Variants in MYO5A observed in about 807,000 individuals in gnomAD.
MYO5A encodes myosin VA, also known as unconventional myosin-Va.
In MYO5A, 98 loss-of-function variants were observed where a neutral mutation model predicts 249.7. That is an observed-to-expected ratio of 0.39 (90% confidence interval 0.33 to 0.46). The LOEUF (loss-of-function observed/expected upper bound fraction) is 0.46. Among genes scored for constraint, MYO5A ranks in the 20% least tolerant of loss-of-function variants. MYO5A has a pLI of 0.98. For synonymous variants in MYO5A, 778 were observed against 810.6 expected, an observed-to-expected ratio of 0.96 and a Z score of 0.68; for missense variants, 1,696 against 2,308.8, an observed-to-expected ratio of 0.73 and a Z score of 5.44.
intron 29 of MYO5A, 54 bp from the exon 30 acceptor site, chr15:52,346,515 C>T: frequency 9.0e-7 from 1 of 1,117,164 alleles, no homozygotes; most frequent in Non-Finnish European, 1.3e-6. Context: ...AAGCTTTGGA[C>T]ATAAAACACA....
intron 1 of MYO5A, among the ~76,000 whole-genome samples, chr15:52,472,774 T>A (rs144181404): frequency 9.3e-4 from 142 of 152,362 alleles, no homozygotes; most frequent in Admixed American, 1.6e-3. Flanking sequence ...TGCCACATTT[T>A]CTTAATCCAG....
At chr15:52,393,394 T>C (rs1567083382) in intron 11 of MYO5A, among the ~76,000 whole-genome samples, 2 of 151,672 alleles carry the variant, frequency 1.3e-5, no homozygotes, top group African/African-American at 4.9e-5. Flanking sequence ...GTTTTTTTTT[T>C]CTTTTCTTTT....
intron 2 of MYO5A, among the ~76,000 whole-genome samples, chr15:52,429,185 C>T (rs2075463723): frequency 1.3e-5 from 2 of 152,080 alleles, no homozygotes; most frequent in Non-Finnish European, 2.9e-5. Flanking sequence ...TTTTTTGAGG[C>T]AAGACAATTC....
chr15:52,356,142 A>T (rs188929917), intron 25 of MYO5A, among the ~76,000 whole-genome samples: 35 of 152,314 alleles, frequency 2.3e-4, no homozygotes, highest in South Asian at 8.3e-4. Context: ...CCTTTGTTAG[A>T]GAGAGACAAG....
rs763709035 is a variant in MYO5A at position 52,375,408 on chromosome 15, A to G, written c.2473T>C (p.Trp825Arg). Residue 825 changes from tryptophan (W) to arginine (R), a missense_variant, in exon 20 of 42, where the codon TGG becomes CGG. Physicochemically the swap from Trp to Arg is moderately radical, Grantham distance 101. Around this residue, in one of 5 missense-constraint regions of MYO5A, gnomAD observed 412 missense variants for 453.3 expected, o/e 0.91. Coordinates refer to ENST00000399233, the MANE Select transcript of MYO5A (RefSeq NM_001382347.1). ...TKAATIIQKY[W>R]RMYVVRRRYK... is the part of the protein sequence containing the mutation. ...CTCCTGCGGACCACATACATGCGCC[A>G]GTACTTTTGAATGATGGTTGCTGCC... is the stretch of plus-strand genomic sequence containing the variant. The G allele has an allele frequency of 6.2e-7, 1 of 1,614,206 alleles. No homozygotes were observed. The highest frequency in any genetic ancestry group is 1.1e-5 in the South Asian group (1 of 91,084).
At chr15:52,506,152 C>T (rs925792595) in intron 1 of MYO5A, among the ~76,000 whole-genome samples, 3 of 152,060 alleles carry the variant, frequency 2.0e-5, no homozygotes, top group African/African-American at 7.2e-5. Flanking sequence ...GAGATCGAGA[C>T]CATCTTGGCT....
intron 1 of MYO5A, among the ~76,000 whole-genome samples, chr15:52,504,220 C>T (rs1187356987): frequency 6.6e-6 from 1 of 152,096 alleles, no homozygotes; most frequent in Admixed American, 6.6e-5. Flanking sequence ...GTCCTCCACC[C>T]ACTCACTCTT....
At chr15:52,346,575 T>C (rs1386557251) in intron 29 of MYO5A, 114 bp from the exon 30 acceptor site, 1 of 737,122 alleles carries the variant, frequency 1.4e-6, no homozygotes, top group Admixed American at 2.0e-5. Flanking sequence ...ACCATACCTG[T>C]GACCCACCAA....
At chr15:52,401,743 T>C (rs536760731) in intron 9 of MYO5A, among the ~76,000 whole-genome samples, 1 of 152,246 alleles carries the variant, frequency 6.6e-6, no homozygotes, top group Non-Finnish European at 1.5e-5. Flanking sequence ...ATATTATGTC[T>C]GCTTCATTCT....
intron 21 of MYO5A, among the ~76,000 whole-genome samples, chr15:52,370,739 T>C (rs2041061423): frequency 6.6e-6 from 1 of 152,230 alleles, no homozygotes; most frequent in South Asian, 2.1e-4. Flanking sequence ...GATCTATACT[T>C]GTTTTTGAAA....
At chr15:52,393,968 T>C (rs2042375052) in intron 11 of MYO5A, among the ~76,000 whole-genome samples, 1 of 152,232 alleles carries the variant, frequency 6.6e-6, no homozygotes, top group African/African-American at 2.4e-5. Context: ...AAATAGAGCA[T>C]ATTACTCACA....
intron 35 of MYO5A, among the ~76,000 whole-genome samples, chr15:52,329,905 A>ATTTTTTT (rs58058940): frequency 2.5e-5 from 3 of 119,726 alleles, no homozygotes; most frequent in African/African-American, 4.0e-5. Flanking sequence ...CGCCTGGGTA[A>ATTTTTTT]TTTTTTTTTT....
chr15:52,498,102 T>A (rs1030242505), intron 1 of MYO5A, among the ~76,000 whole-genome samples: 5 of 152,016 alleles, frequency 3.3e-5, no homozygotes, highest in South Asian at 2.1e-4. Flanking sequence ...CAAAAACTCA[T>A]AATCAGCAAA....
intron 5 of MYO5A, among the ~76,000 whole-genome samples, chr15:52,414,067 G>A (rs1365744570): frequency 2.0e-5 from 3 of 152,170 alleles, no homozygotes; most frequent in African/African-American, 7.2e-5. Context: ...CAAATCTATA[G>A]TGAAAGCCTT....
At chr15:52,426,463 T>C (rs1004892129) in intron 3 of MYO5A, among the ~76,000 whole-genome samples, 1 of 152,142 alleles carries the variant, frequency 6.6e-6, no homozygotes, top group East Asian at 1.9e-4. Context: ...CCACCAATCA[T>C]GTTTGTTTGT....
chr15:52,444,920 T>C (rs186847875), intron 1 of MYO5A, among the ~76,000 whole-genome samples: 34 of 152,300 alleles, frequency 2.2e-4, no homozygotes, highest in South Asian at 8.3e-4. Context: ...ACATACATTA[T>C]ATGAGACAAT....
At chr15:52,348,918 A>G in intron 28 of MYO5A, 92 bp from the exon 29 acceptor site, 1 of 1,367,416 alleles carries the variant, frequency 7.3e-7, no homozygotes, top group Non-Finnish European at 1.0e-6. Context: ...TCCTATTATA[A>G]CAGATAAAAG....
At chr15:52,502,837 A>T (rs2077186176) in intron 1 of MYO5A, among the ~76,000 whole-genome samples, 1 of 152,274 alleles carries the variant, frequency 6.6e-6, no homozygotes, top group African/African-American at 2.4e-5. Context: ...AGCAAACGAT[A>T]CAAATTTAAG....
At chr15:52,325,241 C>T (rs1474634309) in intron 36 of MYO5A, among the ~76,000 whole-genome samples, 2 of 152,136 alleles carry the variant, frequency 1.3e-5, no homozygotes, top group Non-Finnish European at 2.9e-5. Context: ...GACGTCTACA[C>T]AAGTCAAACT....
Sources: allele counts gnomAD v4.1 joint callset (sites outside exome capture counted in the v4.1 genomes callset), GRCh38; gene constraint gnomAD v4.1.1; regional missense constraint gnomAD v4.1.1; transcripts MANE v1.5; gene names NCBI Gene and HGNC (gene_info 2026-07-23, HGNC 2026-07-21).